FBXL17: variants seen among roughly 807,000 people sequenced by gnomAD.
FBXL17 encodes F-box and leucine rich repeat protein 17.
A neutral mutation model predicts 66.2 loss-of-function variants in FBXL17; 22 were observed. The ratio of observed to expected loss-of-function variants is 0.33; its 90% CI spans 0.24 to 0.47. The LOEUF (loss-of-function observed/expected upper bound fraction) is 0.47, where lower values mean the gene tolerates loss of function less well. Among genes scored for constraint, FBXL17 ranks in the 20% least tolerant of loss-of-function variants. The pLI, the probability that FBXL17 is intolerant of heterozygous loss-of-function variation, is 1.00. For missense variants in FBXL17, 878 were observed against 948.2 expected, an observed-to-expected ratio of 0.93 and a Z score of 0.97; for synonymous variants, 474 against 400.5, an observed-to-expected ratio of 1.18 and a Z score of -2.19.
intron 6 of FBXL17, among the ~76,000 whole-genome samples, chr5:108,126,684 T>TATATATATATATAC (rs1313924066): frequency 9.6e-5 from 13 of 135,566 alleles, no homozygotes; most frequent in South Asian, 4.9e-4. Context: ...TATATATATA[T>TATATATATATATAC]ACACACATAC....
intron 6 of FBXL17, among the ~76,000 whole-genome samples, chr5:108,170,617 T>A (rs1332903316): frequency 1.3e-5 from 2 of 152,156 alleles, no homozygotes; most frequent in African/African-American, 4.8e-5. Flanking sequence ...CACTGCAACT[T>A]CCGCTTCCCA....
At chr5:108,213,584 C>G (rs184955519) in intron 5 of FBXL17, among the ~76,000 whole-genome samples, 1 of 152,140 alleles carries the variant, frequency 6.6e-6, no homozygotes, top group Non-Finnish European at 1.5e-5. Flanking sequence ...GGCAATGCCC[C>G]ACCCTGCTTC....
At chr5:108,113,748 T>TCTTTTCTTGTTAATCTGGAA (rs1750132089) in intron 6 of FBXL17, among the ~76,000 whole-genome samples, 1 of 152,168 alleles carries the variant, frequency 6.6e-6, no homozygotes, top group South Asian at 2.1e-4. Flanking sequence ...TTTAAAATTC[T>TCTTTTCTTGTTAATCTGGAA]CTTTTCTTGT....
intron 7 of FBXL17, among the ~76,000 whole-genome samples, chr5:107,993,144 C>T (rs894165964): frequency 3.3e-5 from 5 of 152,176 alleles, no homozygotes; most frequent in African/African-American, 1.2e-4. Flanking sequence ...ATCCACCCAC[C>T]TTGGCCTCCC....
chr5:108,011,704 A>C (rs10068813), intron 7 of FBXL17, among the ~76,000 whole-genome samples: 3 of 152,202 alleles, frequency 2.0e-5, no homozygotes, highest in Non-Finnish European at 4.4e-5. Context: ...CGTGCCTGTA[A>C]TCCCAGCTAC....
chr5:107,883,774 A>G (rs575595254), intron 7 of FBXL17, among the ~76,000 whole-genome samples: 5 of 152,292 alleles, frequency 3.3e-5, no homozygotes, highest in African/African-American at 1.2e-4. Context: ...ATACAGCAAC[A>G]ACTGTAACAG....
intron 7 of FBXL17, among the ~76,000 whole-genome samples, chr5:107,974,375 C>T (rs1006892195): frequency 2.6e-5 from 4 of 151,936 alleles, no homozygotes; most frequent in Admixed American, 6.6e-5. Flanking sequence ...AAACTAGATA[C>T]CCTATTATAC....
chr5:108,237,030 A>G (rs1407904078), intron 4 of FBXL17, among the ~76,000 whole-genome samples: 1 of 152,196 alleles, frequency 6.6e-6, no homozygotes, highest in African/African-American at 2.4e-5. Context: ...GTAAAAAAAG[A>G]CAGCAACGGT....
At chr5:107,912,887 T>C (rs940221527) in intron 7 of FBXL17, among the ~76,000 whole-genome samples, 9 of 152,118 alleles carry the variant, frequency 5.9e-5, no homozygotes, top group African/African-American at 2.2e-4. Flanking sequence ...CTTATTTCCA[T>C]ATTTGGCCAA....
intron 7 of FBXL17, among the ~76,000 whole-genome samples, chr5:107,951,471 C>T (rs1466855376): frequency 6.6e-6 from 1 of 152,206 alleles, no homozygotes; most frequent in South Asian, 2.1e-4. Context: ...CTGGGGGAAG[C>T]ACATACTCTG....
At chr5:108,326,306 G>T (rs1018447416) in intron 4 of FBXL17, among the ~76,000 whole-genome samples, 4 of 151,922 alleles carry the variant, frequency 2.6e-5, no homozygotes, top group Non-Finnish European at 5.9e-5. Flanking sequence ...ATAGGCAGAA[G>T]ATTTGGCTGG....
chr5:108,117,946 CTTT>C (rs1380433387), intron 6 of FBXL17, among the ~76,000 whole-genome samples: 2 of 152,044 alleles, frequency 1.3e-5, no homozygotes, highest in Admixed American at 6.6e-5. Context: ...AAGTATTCTT[CTTT>C]GTCAGCATAC....
rs138843809 is a variant in FBXL17 at position 108,130,788 on chromosome 5, G to A, written c.1745+55329C>T. On this transcript the variant is annotated intron_variant, in intron 6 of 8. Transcript: ENST00000542267. ...GATGGCACAACCACATTAGCCAGGT[G>A]TGCTGAGATTAGGATAGCTCTTGTA... Among the ~76,000 whole-genome samples the A allele has an allele frequency of 3.0e-3, 459 of 152,154 alleles. 1 individual carries two copies. The highest frequency in any genetic ancestry group is 0.011 in the African/African-American group (443 of 41,564).
chr5:108,314,423 T>A (rs1759263393), intron 4 of FBXL17, among the ~76,000 whole-genome samples: 1 of 151,640 alleles, frequency 6.6e-6, no homozygotes, highest in Non-Finnish European at 1.5e-5. Context: ...GACTATCCCA[T>A]AAGTCAGTTT....
intron 6 of FBXL17, among the ~76,000 whole-genome samples, chr5:108,101,945 C>T (rs749407802): frequency 6.6e-6 from 1 of 152,162 alleles, no homozygotes; most frequent in Non-Finnish European, 1.5e-5. Context: ...GAAAGTGGCA[C>T]ATTTGACAGA....
Position 108,255,287 on chromosome 5 carries a change from T to C in FBXL17, c.1507-31059A>G, listed in dbSNP as rs1198062031. ...GCTCAGCATGCAGCATATTTTAATA[T>C]ATACATACACCGTAACATGGATTTT... On this transcript the variant is annotated intron_variant, in intron 4 of 8. Transcript: ENST00000542267. Among the ~76,000 whole-genome samples the C allele has an allele frequency of 3.3e-5, 5 of 152,192 alleles. No individual in the cohort carries two copies. In the South Asian group the frequency reaches 6.2e-4, roughly 19 times the overall value.
Position 107,859,847 on chromosome 5 carries a change from A to G in FBXL17, c.*1873T>C, listed in dbSNP as rs1200649257. The G allele has an allele frequency of 6.6e-6, 1 of 152,142 alleles. No individual in the cohort carries two copies. The highest frequency in any genetic ancestry group is 1.5e-5 in the Non-Finnish European group (1 of 68,002). The allele number at this position is 152,142 out of a possible 1,614,324, so 9.4% of individuals were successfully genotyped here. On this transcript the variant is annotated 3_prime_UTR_variant, in exon 9 of 9. Coordinates refer to ENST00000542267, the MANE Select transcript of FBXL17 (RefSeq NM_001163315.3). ...ATACTGTCTTATAAATTAGTTTTGG[A>G]TTAAAAATCAGTTAAAATATTGTGA...
At chr5:107,871,043 T>C (rs1264784891) in intron 8 of FBXL17, among the ~76,000 whole-genome samples, 1 of 75,670 alleles carries the variant, frequency 1.3e-5, no homozygotes, top group Non-Finnish European at 2.6e-5. Context: ...GTAAGAAATA[T>C]TACTCTTGGG....
Position 108,226,219 on chromosome 5 carries a change from C to T in FBXL17, c.1507-1991G>A, listed in dbSNP as rs182124719. 7.2e-5 allele frequency among the ~76,000 whole-genome samples: 11 copies of T among 152,264 alleles called. No homozygotes were observed. In the East Asian group the frequency reaches 7.7e-4, roughly 11 times the overall value. On this transcript the variant is annotated intron_variant, in intron 4 of 8. Coordinates refer to ENST00000542267, the MANE Select transcript of FBXL17 (RefSeq NM_001163315.3). ...AATAACCAACCATTCTGATTTGCCT[C>T]GGACAGTTTCAGTCTTAGCACTGAA...
Sources: gnomAD v4.1 joint callset for allele counts (sites outside exome capture counted in the v4.1 genomes callset) on GRCh38, gnomAD v4.1.1 for gene constraint, MANE v1.5 for transcripts, NCBI Gene and HGNC (gene_info 2026-07-23, HGNC 2026-07-21) for gene names.